CNTN5: variants seen among roughly 807,000 people sequenced by gnomAD.
The protein encoded by CNTN5 is contactin-5.
CNTN5 carries 77 observed loss-of-function variants against 129.1 expected under a neutral mutation model. The ratio of observed to expected loss-of-function variants is 0.60; its 90% CI spans 0.50 to 0.72. The LOEUF is 0.72. Ranked by LOEUF, CNTN5 falls within the 30% of genes least tolerant of loss-of-function variation. The probability of loss-of-function intolerance (pLI) is 0.00; values close to 1 mark genes in which losing one functional copy is unlikely to be tolerated. For synonymous variants in CNTN5, 509 were observed against 465.6 expected (o/e 1.09, Z -1.20); for missense variants, 1,478 against 1,328.8 (o/e 1.11, Z -1.75).
chr11:99,494,076 T>A (rs1194456119), intron 2 of CNTN5, among the ~76,000 whole-genome samples: 2 of 152,220 alleles, frequency 1.3e-5, no homozygotes, highest in African/African-American at 4.8e-5. Context: ...TCTATAGAGA[T>A]GCCTCCACAT....
intron 6 of CNTN5, among the ~76,000 whole-genome samples, chr11:99,863,286 T>C (rs1234214601): frequency 6.6e-6 from 1 of 151,964 alleles, no homozygotes; most frequent in African/African-American, 2.4e-5. Context: ...AGAGATAATA[T>C]AGAATGGGAA....
intron 8 of CNTN5, among the ~76,000 whole-genome samples, chr11:99,960,213 A>T (rs2136183981): frequency 6.6e-6 from 1 of 152,250 alleles, no homozygotes; most frequent in East Asian, 1.9e-4. Flanking sequence ...TTTTAAGTTT[A>T]CTGTTGCTTA....
intron 2 of CNTN5, among the ~76,000 whole-genome samples, chr11:99,442,674 T>C (rs1273409865): frequency 6.6e-6 from 1 of 152,222 alleles, no homozygotes; most frequent in African/African-American, 2.4e-5. Context: ...AACAAAGACA[T>C]ATAAAACCAG....
chr11:99,390,091 A>C (rs1015597349), intron 2 of CNTN5, among the ~76,000 whole-genome samples: 3 of 152,026 alleles, frequency 2.0e-5, no homozygotes, highest in Admixed American at 2.0e-4. Context: ...ATACTTAAAC[A>C]AAACAAAATT....
chr11:99,295,640 G>C lies in CNTN5; in HGVS notation c.-209-29706G>C, dbSNP rs1178309993. 9.9e-5 allele frequency among the ~76,000 whole-genome samples: 15 copies of C among 152,170 alleles called. No individual in the cohort carries two copies. In the East Asian group the frequency reaches 2.9e-3, roughly 30 times the overall value. On this transcript the variant is annotated intron_variant, in intron 1 of 24. Transcript: ENST00000524871. ...GCCTGTAATCCCAGCACTTTGGGAG[G>C]CCGAGGCGGGTGGATCATGAGGTCA...
intron 1 of CNTN5, among the ~76,000 whole-genome samples, chr11:99,146,694 C>T (rs751871247): frequency 6.6e-6 from 1 of 152,028 alleles, no homozygotes; most frequent in Non-Finnish European, 1.5e-5. Context: ...TATTTATTTA[C>T]AATGAGAGAA....
chr11:99,686,569 T>C (rs1297501099), intron 3 of CNTN5, among the ~76,000 whole-genome samples: 1 of 152,204 alleles, frequency 6.6e-6, no homozygotes, highest in Admixed American at 6.5e-5. Flanking sequence ...AATGCCGTTA[T>C]TTAAAGTTTT....
intron 10 of CNTN5, among the ~76,000 whole-genome samples, chr11:100,066,833 C>CAAAA (rs34290071): frequency 0.055 from 6,837 of 124,660 alleles, 236 homozygotes; most frequent in East Asian, 0.13. Context: ...AGTCCTCTGC[C>CAAAA]AAAAAAAAAA....
chr11:99,026,947 G>GA (rs1279805779), intron 1 of CNTN5, among the ~76,000 whole-genome samples: 2 of 151,562 alleles, frequency 1.3e-5, no homozygotes, highest in East Asian at 3.9e-4. Context: ...TGTCTTTTAA[G>GA]ATTAGAAATT....
chr11:99,345,217 A>C (rs947641087), intron 2 of CNTN5, among the ~76,000 whole-genome samples: 2 of 152,226 alleles, frequency 1.3e-5, no homozygotes, highest in African/African-American at 4.8e-5. Flanking sequence ...GAATACTATG[A>C]AAACATAATA....
chr11:99,245,697 C>T (rs1223454795), intron 1 of CNTN5, among the ~76,000 whole-genome samples: 2 of 152,082 alleles, frequency 1.3e-5, no homozygotes, highest in Non-Finnish European at 2.9e-5. Context: ...CTATATCCCA[C>T]GGAAGGACAT....
intron 8 of CNTN5, among the ~76,000 whole-genome samples, chr11:99,994,661 T>C (rs1233337454): frequency 6.6e-6 from 1 of 152,068 alleles, no homozygotes; most frequent in Non-Finnish European, 1.5e-5. Flanking sequence ...GTAACAACAA[T>C]ACCAAATCAA....
At chr11:99,571,867 A>G (rs986165889) in intron 3 of CNTN5, among the ~76,000 whole-genome samples, 2 of 152,198 alleles carry the variant, frequency 1.3e-5, no homozygotes, top group African/African-American at 4.8e-5. Flanking sequence ...ATATTCTCTA[A>G]TAACAAGCAG....
chr11:100,346,192 A>G (rs1952274247), intron 23 of CNTN5, among the ~76,000 whole-genome samples: 1 of 152,160 alleles, frequency 6.6e-6, no homozygotes, highest in Non-Finnish European at 1.5e-5. Context: ...AAACAAATAA[A>G]ATTTTATTTT....
intron 4 of CNTN5, among the ~76,000 whole-genome samples, chr11:99,820,244 T>C (rs756089832): frequency 5.9e-5 from 9 of 152,288 alleles, no homozygotes; most frequent in Admixed American, 3.3e-4. Context: ...GACTAAATAC[T>C]CTCGTAGAAT....
At chr11:99,556,360 A>G (rs2047166) in intron 3 of CNTN5, 91 bp downstream of exon 3, 419,986 of 731,218 alleles carry the variant, frequency 0.57, 121,775 homozygotes, top group South Asian at 0.68. Context: ...ATCCTCAGGT[A>G]TTAATTTAAA....
chr11:100,131,304 T>C (rs1946372328), intron 13 of CNTN5, among the ~76,000 whole-genome samples: 1 of 151,922 alleles, frequency 6.6e-6, no homozygotes, highest in Non-Finnish European at 1.5e-5. Context: ...TTTCAGGTAT[T>C]TTGGGGAGGT....
chr11:100,312,103 T>A (rs1951484572), intron 21 of CNTN5, among the ~76,000 whole-genome samples: 1 of 152,090 alleles, frequency 6.6e-6, no homozygotes, highest in Non-Finnish European at 1.5e-5. Context: ...CATAGCGCAT[T>A]ATAAATTGTA....
At chr11:99,623,914 A>G (rs1163937069) in intron 3 of CNTN5, among the ~76,000 whole-genome samples, 1 of 152,144 alleles carries the variant, frequency 6.6e-6, no homozygotes, top group Non-Finnish European at 1.5e-5. Flanking sequence ...CTCATTTAAA[A>G]ATACTGTTTA....
Sources: allele counts gnomAD v4.1 joint callset (sites outside exome capture counted in the v4.1 genomes callset), GRCh38; gene constraint gnomAD v4.1.1; transcripts MANE v1.5; gene names NCBI Gene and HGNC (gene_info 2026-07-23, HGNC 2026-07-21).